Variants in TMEM178B observed in about 807,000 individuals in gnomAD.
The protein encoded by TMEM178B is transmembrane protein 178B.
Under a neutral mutation model 31.0 loss-of-function variants are expected in TMEM178B, and 5 were observed. That is an observed-to-expected ratio of 0.16 (90% CI 0.08 to 0.34). The LOEUF (loss-of-function observed/expected upper bound fraction) is 0.34, where lower values mean the gene tolerates loss of function less well. TMEM178B is among the 10% of genes least tolerant of loss of function. The pLI, the probability that TMEM178B is intolerant of heterozygous loss-of-function variation, is 1.00. For synonymous variants in TMEM178B, 164 were observed against 164.0 expected (o/e 1.00, Z 0.00); for missense variants, 275 against 400.3 (o/e 0.69, Z 2.67).
intron 1 of TMEM178B, among the ~76,000 whole-genome samples, chr7:141,170,640 A>C (rs1397945465): frequency 2.0e-5 from 3 of 152,034 alleles, no homozygotes; most frequent in Admixed American, 6.6e-5. Context: ...GCTCCAAATG[A>C]CCCTTCCCAG....
At chr7:141,376,229 T>G (rs10239407) in intron 2 of TMEM178B, among the ~76,000 whole-genome samples, 26,280 of 152,114 alleles carry the variant, frequency 0.17, 2,438 homozygotes, top group Middle Eastern at 0.21. Flanking sequence ...CAGCTAATAA[T>G]AAGAAGAAGA....
intron 1 of TMEM178B, among the ~76,000 whole-genome samples, chr7:141,117,777 C>T (rs1243600506): frequency 1.3e-5 from 2 of 152,132 alleles, no homozygotes; most frequent in Admixed American, 6.5e-5. Context: ...ATCCTTTCTC[C>T]ATTGCTTGTT....
At chr7:141,253,644 A>G (rs1454585555) in intron 2 of TMEM178B, among the ~76,000 whole-genome samples, 3 of 128,754 alleles carry the variant, frequency 2.3e-5, no homozygotes, top group Non-Finnish European at 4.7e-5. Context: ...TCCGCCTCCC[A>G]GGTTCAGGTG....
At chr7:141,456,292 C>T (rs1278103748) in intron 3 of TMEM178B, among the ~76,000 whole-genome samples, 6 of 152,044 alleles carry the variant, frequency 3.9e-5, no homozygotes, top group Non-Finnish European at 5.9e-5. Flanking sequence ...TGGTCCTACC[C>T]CTGTATTTTA....
intron 1 of TMEM178B, among the ~76,000 whole-genome samples, chr7:141,114,459 A>G (rs2129175546): frequency 6.6e-6 from 1 of 152,136 alleles, no homozygotes; most frequent in South Asian, 2.1e-4. Context: ...GTTTCTGTGA[A>G]GCATCTTTGG....
the TMEM178B span, among the ~76,000 whole-genome samples, chr7:141,502,777 AAAAAAGAT>A: frequency 6.6e-6 from 1 of 152,156 alleles, no homozygotes; most frequent in African/African-American, 2.4e-5. Context: ...TCTAAAAAAA[AAAAAAGAT>A]AAAAAGATAA....
intron 1 of TMEM178B, among the ~76,000 whole-genome samples, chr7:141,119,760 C>G (rs937528650): frequency 1.1e-4 from 17 of 152,028 alleles, no homozygotes; most frequent in Non-Finnish European, 4.4e-5. Flanking sequence ...GGCAATGAGG[C>G]CCTTGGAATG....
chr7:141,196,800 T>C lies in TMEM178B; in HGVS notation c.383-15791T>C, dbSNP rs146018886. Among the ~76,000 whole-genome samples, 184 of 152,248 alleles carry C rather than the reference T, an allele frequency of 1.2e-3. 1 individual carries two copies. The highest frequency in any genetic ancestry group is 5.8e-3 in the East Asian group (30 of 5,182). ...GTGCTGGAGAAGCTCATTGGTGTAA[T>C]TGGTCTTCAAGGGGCCTGGAAATCA... On this transcript the variant is annotated intron_variant, in intron 1 of 3. Transcript: ENST00000565468.
chr7:141,249,475 A>G (rs1207734423), intron 2 of TMEM178B, among the ~76,000 whole-genome samples: 1 of 152,246 alleles, frequency 6.6e-6, no homozygotes, highest in Admixed American at 6.5e-5. Flanking sequence ...GTAGAGTGGG[A>G]CAGTGCTGTA....
intron 2 of TMEM178B, among the ~76,000 whole-genome samples, chr7:141,217,288 G>A (rs1442774270): frequency 6.6e-6 from 1 of 152,238 alleles, no homozygotes; most frequent in African/African-American, 2.4e-5. Flanking sequence ...CACAGGTGGG[G>A]CCTGGGCCTT....
At chr7:141,118,197 T>A (rs1420502559) in intron 1 of TMEM178B, among the ~76,000 whole-genome samples, 7 of 152,136 alleles carry the variant, frequency 4.6e-5, no homozygotes, top group African/African-American at 1.4e-4. Context: ...TTTGAGAGCC[T>A]CTCTTTCAAG....
chr7:141,329,325 C>T (rs1799254590), intron 2 of TMEM178B, among the ~76,000 whole-genome samples: 1 of 152,154 alleles, frequency 6.6e-6, no homozygotes, highest in African/African-American at 2.4e-5. Context: ...GGGCACCCTC[C>T]TCATACAAGA....
At chr7:141,117,295 T>G (rs1022044458) in intron 1 of TMEM178B, among the ~76,000 whole-genome samples, 2 of 152,374 alleles carry the variant, frequency 1.3e-5, no homozygotes, top group African/African-American at 4.8e-5. Flanking sequence ...ATATGTTTGT[T>G]GACCACATAA....
At chr7:141,291,199 C>A (rs1438395546) in intron 2 of TMEM178B, among the ~76,000 whole-genome samples, 1 of 152,178 alleles carries the variant, frequency 6.6e-6, no homozygotes, top group African/African-American at 2.4e-5. Context: ...TTATCCCCTG[C>A]AGCTGGAGGA....
intron 1 of TMEM178B, among the ~76,000 whole-genome samples, chr7:141,190,816 A>G (rs1478235837): frequency 6.6e-6 from 1 of 152,228 alleles, no homozygotes; most frequent in Non-Finnish European, 1.5e-5. Flanking sequence ...ATCCTTCTGT[A>G]GACAACCAAT....
At chr7:141,097,869 G>T (rs576025144) in intron 1 of TMEM178B, among the ~76,000 whole-genome samples, 1 of 140,734 alleles carries the variant, frequency 7.1e-6, no homozygotes, top group East Asian at 2.1e-4. Context: ...CTCTCTCACT[G>T]CAGCTTCGAC....
intron 3 of TMEM178B, among the ~76,000 whole-genome samples, chr7:141,459,494 G>T (rs1309208294): frequency 7.9e-5 from 12 of 152,188 alleles, no homozygotes; most frequent in Non-Finnish European, 1.5e-5. Flanking sequence ...GAGGATAGGA[G>T]GTGCAATTAA....
At chr7:141,226,123 C>T (rs1387773450) in intron 2 of TMEM178B, among the ~76,000 whole-genome samples, 2 of 152,174 alleles carry the variant, frequency 1.3e-5, no homozygotes, top group Non-Finnish European at 2.9e-5. Context: ...CACTGCCTCA[C>T]TCTTGGAGCT....
At chr7:141,234,340 G>A (rs1370429448) in intron 2 of TMEM178B, among the ~76,000 whole-genome samples, 2 of 152,144 alleles carry the variant, frequency 1.3e-5, no homozygotes, top group Non-Finnish European at 2.9e-5. Context: ...TTCAAATTAG[G>A]CCTTGAACAA....
Sources: gnomAD v4.1 joint callset for allele counts (sites outside exome capture counted in the v4.1 genomes callset) on GRCh38, gnomAD v4.1.1 for gene constraint, MANE v1.5 for transcripts, NCBI Gene and HGNC (gene_info 2026-07-23, HGNC 2026-07-21) for gene names.